The following EYS variants were observed in gnomAD, a reference collection of about 807,000 sequenced individuals.
EYS encodes the protein protein eyes shut homolog.
EYS carries 250 observed loss-of-function variants against 282.1 expected under a neutral mutation model. That is an observed-to-expected ratio of 0.89 (90% confidence interval 0.80 to 0.98). The LOEUF is 0.98. Among genes scored for constraint, EYS ranks in the 50% least tolerant of loss-of-function variants. The probability of loss-of-function intolerance (pLI) is 0.00; values close to 1 mark genes in which losing one functional copy is unlikely to be tolerated. For missense variants in EYS, 4,016 were observed against 3,709.0 expected, an observed-to-expected ratio of 1.08 and a Z score of -2.15; for synonymous variants, 1,355 against 1,282.9, an observed-to-expected ratio of 1.06 and a Z score of -1.20.
intron 26 of EYS, among the ~76,000 whole-genome samples, chr6:64,443,349 G>A (rs1260335161): frequency 6.6e-6 from 1 of 152,156 alleles, no homozygotes; most frequent in African/African-American, 2.4e-5. Context: ...TGCTTTTACA[G>A]GCTCATAGTG....
Position 64,591,930 on chromosome 6 carries a change from A to T in EYS, c.3937T>A (p.Leu1313Ile), listed in dbSNP as rs890956820. 2 of 1,540,418 alleles carry T rather than the reference A, an allele frequency of 1.3e-6. No homozygotes were observed. The highest frequency in any genetic ancestry group is 2.8e-5 in the African/African-American group (2 of 72,682). ...CTTTCCAAGGGTGTGCTAATTCTTA[A>T]TGTTGCCAAACCAGTGGTTGGGAGA... is the stretch of plus-strand genomic sequence containing the variant. ...DILPTTGLAT[L>I]RISTPLESYL... is the part of the protein sequence containing the mutation. Residue 1313 changes from leucine to isoleucine, a missense_variant, in exon 26 of 43, where the codon TTA becomes ATA. Leu to Ile is a conservative substitution (Grantham distance 5, BLOSUM62 2). Transcript: ENST00000503581.
At chr6:65,072,000 T>C (rs887365766) in intron 12 of EYS, among the ~76,000 whole-genome samples, 5 of 151,800 alleles carry the variant, frequency 3.3e-5, no homozygotes, top group African/African-American at 1.2e-4. Context: ...GACTATAAGA[T>C]AATAAATTTC....
At chr6:65,454,544 T>C (rs1440117961) in intron 5 of EYS, among the ~76,000 whole-genome samples, 1 of 151,362 alleles carries the variant, frequency 6.6e-6, no homozygotes, top group Non-Finnish European at 1.5e-5. Context: ...TTTTGTTGCC[T>C]GTGCTTTAGA....
chr6:64,991,446 T>C (rs1771059550), intron 14 of EYS, among the ~76,000 whole-genome samples: 1 of 151,622 alleles, frequency 6.6e-6, no homozygotes, highest in African/African-American at 2.4e-5. Flanking sequence ...GCAAGAGATT[T>C]AATAACAGAT....
intron 26 of EYS, among the ~76,000 whole-genome samples, chr6:64,561,919 C>CAAAA (rs57111776): frequency 0.011 from 949 of 87,116 alleles, 18 homozygotes; most frequent in East Asian, 0.085. Context: ...CACATGGAAC[C>CAAAA]AAAAAAAAAA....
intron 1 of EYS, among the ~76,000 whole-genome samples, chr6:65,653,699 T>C (rs998519522): frequency 2.0e-5 from 3 of 151,942 alleles, no homozygotes; most frequent in African/African-American, 7.2e-5. Context: ...TTCAGCACTG[T>C]ATCTCAAGGA....
intron 30 of EYS, among the ~76,000 whole-genome samples, chr6:64,292,799 A>G (rs747105030): frequency 5.3e-5 from 8 of 152,090 alleles, no homozygotes; most frequent in African/African-American, 1.7e-4. Flanking sequence ...AGAAATGATA[A>G]CATATATGCT....
intron 35 of EYS, among the ~76,000 whole-genome samples, chr6:63,874,191 C>A (rs546117025): frequency 6.6e-6 from 1 of 152,274 alleles, no homozygotes; most frequent in South Asian, 2.1e-4. Flanking sequence ...AGGAAGGAAT[C>A]CAATTTCAGC....
intron 1 of EYS, among the ~76,000 whole-genome samples, chr6:65,694,742 T>TAAAA (rs34494006): frequency 1.5e-5 from 2 of 135,480 alleles, no homozygotes; most frequent in Admixed American, 7.7e-5. Context: ...GTTGTAGATT[T>TAAAA]AAAAAAAAAA....
intron 2 of EYS, among the ~76,000 whole-genome samples, chr6:65,497,306 A>G (rs537506680): frequency 6.6e-6 from 1 of 152,026 alleles, no homozygotes; most frequent in East Asian, 1.9e-4. Context: ...TCAAATTGCT[A>G]TCAACAAAAT....
intron 8 of EYS, among the ~76,000 whole-genome samples, chr6:65,361,223 T>C (rs545079742): frequency 1.2e-3 from 182 of 150,398 alleles, no homozygotes; most frequent in African/African-American, 4.3e-3. Context: ...AGGTGGGGAG[T>C]GGGGGAGGAA....
intron 31 of EYS, among the ~76,000 whole-genome samples, chr6:64,211,876 G>A (rs964329411): frequency 9.2e-5 from 14 of 151,816 alleles, no homozygotes; most frequent in African/African-American, 3.4e-4. Flanking sequence ...AGCACTTTCA[G>A]AGGCGGAGGC....
intron 19 of EYS, among the ~76,000 whole-genome samples, chr6:64,833,400 A>G (rs932139143): frequency 5.9e-5 from 9 of 151,884 alleles, no homozygotes; most frequent in Non-Finnish European, 1.0e-4. Flanking sequence ...ATGTACCGGC[A>G]TGACTAGTGT....
chr6:65,286,737 G>T (rs757385451), intron 12 of EYS, among the ~76,000 whole-genome samples: 1 of 151,616 alleles, frequency 6.6e-6, no homozygotes, highest in Non-Finnish European at 1.5e-5. Flanking sequence ...TAGTTATGCT[G>T]TGTAAATTCA....
chr6:64,065,463 T>A (rs188368077), intron 33 of EYS, among the ~76,000 whole-genome samples: 1 of 152,342 alleles, frequency 6.6e-6, no homozygotes. Context: ...GCCCCTGAGA[T>A]GTGATCATCA....
chr6:64,848,698 T>G (rs114709472), intron 19 of EYS, among the ~76,000 whole-genome samples: 104 of 152,198 alleles, frequency 6.8e-4, no homozygotes, highest in Non-Finnish European at 1.3e-3. Context: ...AATAGCGTGG[T>G]CTGAGTAATA....
intron 5 of EYS, among the ~76,000 whole-genome samples, chr6:65,459,042 TA>T (rs893098938): frequency 3.3e-5 from 5 of 152,096 alleles, no homozygotes; most frequent in Admixed American, 1.3e-4. Context: ...GGATTTGTTC[TA>T]AAAAATGCTT....
intron 35 of EYS, among the ~76,000 whole-genome samples, chr6:63,889,354 G>C (rs1245195553): frequency 2.0e-5 from 3 of 152,148 alleles, no homozygotes; most frequent in Non-Finnish European, 4.4e-5. Context: ...TAAGGGAAAA[G>C]ATGTTAAGGG....
At chr6:64,623,831 A>T (rs1422069636) in intron 23 of EYS, among the ~76,000 whole-genome samples, 2 of 152,108 alleles carry the variant, frequency 1.3e-5, no homozygotes, top group African/African-American at 4.8e-5. Context: ...AGTTAATTTT[A>T]CTGTGGGAAT....
Sources: allele counts gnomAD v4.1 joint callset (sites outside exome capture counted in the v4.1 genomes callset), GRCh38; gene constraint gnomAD v4.1.1; transcripts MANE v1.5; gene names NCBI Gene and HGNC (gene_info 2026-07-23, HGNC 2026-07-21).